TRIM29: variants seen among roughly 807,000 people sequenced by gnomAD.
TRIM29 encodes tripartite motif containing 29.
In TRIM29, 52 loss-of-function variants were observed where a neutral mutation model predicts 57.3. That is an observed-to-expected ratio of 0.91 (90% confidence interval 0.73 to 1.14). The LOEUF is 1.14. Ranked by LOEUF, TRIM29 falls within the 50% of genes most tolerant of loss-of-function variation. The pLI is 0.00. For synonymous variants in TRIM29, 319 were observed against 316.9 expected (o/e 1.01, Z -0.07); for missense variants, 753 against 774.6 (o/e 0.97, Z 0.33).
chr11:120,128,862 A>G, intron 1 of TRIM29: 1 of 1,488,432 alleles, frequency 6.7e-7, no homozygotes, highest in South Asian at 1.3e-5. Flanking sequence ...ATGGGAAGAG[A>G]AAGGAAGGGG....
intron 1 of TRIM29, among the ~76,000 whole-genome samples, chr11:120,131,462 G>A (rs1863720950): frequency 6.6e-6 from 1 of 152,106 alleles, no homozygotes; most frequent in Non-Finnish European, 1.5e-5. Flanking sequence ...GTGAGGGCAG[G>A]GCCAGAAGGG....
At chr11:120,128,985 C>A in intron 1 of TRIM29, 2 of 1,228,280 alleles carry the variant, frequency 1.6e-6, no homozygotes. Context: ...CCAGGGTTGC[C>A]GCCGGCGTGG....
chr11:120,112,889 T>C (rs992849221), intron 8 of TRIM29, among the ~76,000 whole-genome samples: 18 of 152,152 alleles, frequency 1.2e-4, no homozygotes, highest in African/African-American at 4.3e-4. Context: ...AACCACCCAA[T>C]TAAATAGATT....
rs1477812730 is a variant in TRIM29 at position 120,127,326 on chromosome 11, G to A, written c.1134+10C>T. 6 of 1,612,694 alleles carry A rather than the reference G, an allele frequency of 3.7e-6. No homozygotes were observed. The Admixed American group carries it at 5.0e-5, about 13-fold the overall frequency. ...TCGAGGGCTTGAGTGACAGAGGAGTGGCTTGTTACCTGCAGAAACAACACA... is the reference window on the plus strand; with the variant it reads ...TCGAGGGCTTGAGTGACAGAGGAGTAGCTTGTTACCTGCAGAAACAACACA... On this transcript the variant is annotated intron_variant, in intron 3 of 8. Transcript: ENST00000341846.
intron 3 of TRIM29, among the ~76,000 whole-genome samples, chr11:120,126,999 A>G (rs1035222663): frequency 6.6e-6 from 1 of 152,084 alleles, no homozygotes; most frequent in South Asian, 2.1e-4. Flanking sequence ...CAGCACTCCT[A>G]CACCACTCCC....
chr11:120,133,352 CT>C (rs1281155203), intron 1 of TRIM29, among the ~76,000 whole-genome samples: 1 of 152,218 alleles, frequency 6.6e-6, no homozygotes, highest in Non-Finnish European at 1.5e-5. Flanking sequence ...GTGTAAGTCT[CT>C]TGACGACTTT....
chr11:120,123,457 C>T (rs1565316316), intron 4 of TRIM29: 1 of 459,422 alleles, frequency 2.2e-6, no homozygotes, highest in East Asian at 6.9e-5. Flanking sequence ...CCCAATGTCA[C>T]ATGCCGATAA....
At chr11:120,116,827 G>A (rs1248540904) in intron 7 of TRIM29, 1 of 230,424 alleles carries the variant, frequency 4.3e-6, no homozygotes, top group African/African-American at 2.3e-5. Flanking sequence ...GTGGCAGGTG[G>A]GGCATGCATC....
At chr11:120,113,757 C>A (rs1170152127) in intron 8 of TRIM29, 2 of 447,746 alleles carry the variant, frequency 4.5e-6, no homozygotes, top group African/African-American at 2.0e-5. Context: ...CAGGGGCCAG[C>A]CTGGACCCCA....
chr11:120,118,052 T>G (rs1240899025), intron 7 of TRIM29, 171 bp downstream of exon 7: 1 of 636,736 alleles, frequency 1.6e-6, no homozygotes, highest in Non-Finnish European at 2.8e-6. Context: ...CCCCCACCCC[T>G]GCCCTCATTT....
intron 2 of TRIM29, 60 bp from the exon 3 acceptor site, chr11:120,127,629 C>T: frequency 6.7e-7 from 1 of 1,490,770 alleles, no homozygotes; most frequent in Non-Finnish European, 9.2e-7. Flanking sequence ...AAGAAATCAC[C>T]CTAGTCGGGT....
chr11:120,112,918 T>C (rs1474757151), intron 8 of TRIM29, among the ~76,000 whole-genome samples: 1 of 152,104 alleles, frequency 6.6e-6, no homozygotes, highest in Non-Finnish European at 1.5e-5. Context: ...CATATTCAAT[T>C]TATAGTTGAG....
Position 120,137,101 on chromosome 11 carries a change from A to G in TRIM29, c.804+127T>C. 1 of 1,043,280 alleles carries G rather than the reference A, an allele frequency of 9.6e-7. No homozygotes were observed. Among genetic ancestry groups the G allele is most frequent in the Non-Finnish European group, 1.4e-6 (1 of 732,300 alleles). 64.6% of individuals were successfully genotyped at this position (1,043,280 alleles called of 1,614,324 possible). A position where few individuals can be genotyped will look rare whatever the true frequency, so the allele number is the denominator to read the frequency against. On this transcript the variant is annotated intron_variant, in intron 1 of 8. Coordinates refer to ENST00000341846, the MANE Select transcript of TRIM29 (RefSeq NM_012101.4). The surrounding 1 kb of genome is among the most constrained non-coding windows in gnomAD (Gnocchi z 6.2). ...GCATGAGGGGAAATAAATGTTTTCT[A>G]AAAGAGCCAAGGACAGTAGAAACTT...
intron 4 of TRIM29, 172 bp downstream of exon 4, chr11:120,125,519 G>T (rs1477800769): frequency 1.5e-6 from 1 of 657,582 alleles, no homozygotes; most frequent in Non-Finnish European, 2.6e-6. Context: ...TTCAAAGGAG[G>T]AGGAGGGTTA....
Position 120,125,763 on chromosome 11 carries a change from T to G in TRIM29, c.1261A>C (p.Met421Leu). 1 of 1,614,212 alleles carries G rather than the reference T, an allele frequency of 6.2e-7. No homozygotes were observed. Among genetic ancestry groups the G allele is most frequent in the African/African-American group, 1.3e-5 (1 of 75,044 alleles). ...TTGCACATCTTCTCAACGTGGCGCA[T>G]GCATACATTGAGCAGGTCGTCCTTG... is the stretch of plus-strand genomic sequence containing the variant. ...NFKDDLLNVCMRHVEKMCKAD... is the reference protein window; with the variant it reads ...NFKDDLLNVCLRHVEKMCKAD... Residue 421 changes from methionine to leucine, a missense_variant, in exon 4 of 9, where the codon ATG (methionine) becomes CTG (leucine). Coordinates refer to ENST00000341846, the MANE Select transcript of TRIM29 (RefSeq NM_012101.4).
In TRIM29 at chr11:120,131,221, C is replaced by T. The variant is rs117372170; in HGVS notation, c.805-2726G>A. 7.4e-4 allele frequency among the ~76,000 whole-genome samples: 112 copies of T among 152,092 alleles called. 1 individual carries two copies. Among genetic ancestry groups the T allele is most frequent in the Non-Finnish European group, 1.3e-3 (87 of 67,992 alleles). ...GGGCTGCAGAGGAGGAAAGGTCTCC[C>T]CAGGTGAGCGTGGATTCATTGGCCA... On this transcript the variant is annotated intron_variant, in intron 1 of 8. Coordinates refer to ENST00000341846, the MANE Select transcript of TRIM29 (RefSeq NM_012101.4).
Position 120,122,208 on chromosome 11 carries a change from C to T in TRIM29, c.1435+746G>A, listed in dbSNP as rs554401119. ...CTGATTAGCTCCCGGAGGCTTCCCC[C>T]TCCCCAGCCCCTGTGCCTTACCCAG... On this transcript the variant is annotated intron_variant, in intron 5 of 8. Transcript: ENST00000341846. Among the ~76,000 whole-genome samples the T allele has an allele frequency of 2.6e-5, 4 of 151,826 alleles. No homozygotes were observed. The East Asian group carries it at 5.8e-4, about 22-fold the overall frequency.
At chr11:120,125,488 T>C (rs1863562084) in intron 4 of TRIM29, 1 of 590,862 alleles carries the variant, frequency 1.7e-6, no homozygotes, top group African/African-American at 1.9e-5. Flanking sequence ...CTTCCTATAG[T>C]TGCATAACTT....
intron 3 of TRIM29, 59 bp downstream of exon 3, chr11:120,127,277 G>C: frequency 6.8e-7 from 1 of 1,464,320 alleles, no homozygotes. Context: ...GTTGGAGGGG[G>C]GTCTCAAAAA....
Sources: allele counts gnomAD v4.1 joint callset (sites outside exome capture counted in the v4.1 genomes callset), GRCh38; gene constraint gnomAD v4.1.1; non-coding constraint Gnocchi (gnomAD v3.1); transcripts MANE v1.5; gene names NCBI Gene and HGNC (gene_info 2026-07-23, HGNC 2026-07-21).